The following ASAP2 variants were observed in gnomAD, a reference collection of about 807,000 sequenced individuals.
ASAP2 encodes the protein arf-GAP with SH3 domain, ANK repeat and PH domain-containing protein 2.
In ASAP2, 45 loss-of-function variants were observed where a neutral mutation model predicts 131.4. That is an observed-to-expected ratio of 0.34 (90% confidence interval 0.27 to 0.44). The LOEUF is 0.44. Among genes scored for constraint, ASAP2 ranks in the 20% least tolerant of loss-of-function variants. The pLI is 1.00. For synonymous variants in ASAP2, 510 were observed against 503.0 expected, an observed-to-expected ratio of 1.01 and a Z score of -0.19; for missense variants, 1,011 against 1,297.0, an observed-to-expected ratio of 0.78 and a Z score of 3.39.
At chr2:9,331,779 C>A (rs1368467869) in intron 7 of ASAP2, among the ~76,000 whole-genome samples, 2 of 151,804 alleles carry the variant, frequency 1.3e-5, no homozygotes, top group African/African-American at 2.4e-5. Flanking sequence ...AAAAAAAATA[C>A]AACCATGGTT....
At chr2:9,254,527 AT>A (rs546862626) in intron 1 of ASAP2, among the ~76,000 whole-genome samples, 403 of 28,006 alleles carry the variant, frequency 0.014, 81 homozygotes, top group African/African-American at 0.028. Flanking sequence ...TAATTTTTGG[AT>A]TTTTTTTTTT....
At chr2:9,228,685 T>C (rs375311012) in intron 1 of ASAP2, among the ~76,000 whole-genome samples, 16 of 152,306 alleles carry the variant, frequency 1.1e-4, no homozygotes, top group African/African-American at 3.9e-4. Flanking sequence ...CTCTGGATCA[T>C]TGAATTTCTC....
intron 15 of ASAP2, among the ~76,000 whole-genome samples, chr2:9,362,599 G>T (rs989787250): frequency 5.9e-5 from 9 of 152,110 alleles, no homozygotes; most frequent in Non-Finnish European, 1.2e-4. Context: ...AGTACTTTGG[G>T]AGGCTGAGGT....
Position 9,404,118 on chromosome 2 carries a change from C to T in ASAP2, c.*791C>T, listed in dbSNP as rs1052354588. On this transcript the variant is annotated 3_prime_UTR_variant, in exon 28 of 28. Coordinates refer to ENST00000281419, the MANE Select transcript of ASAP2 (RefSeq NM_003887.3). ...CTTTAGGTGTTTTGGAATTTGCCTT[C>T]TTGAACTTCCTGAGTCACACAGAAA... 6.6e-6 allele frequency: 1 copy of T among 152,208 alleles called. No homozygotes were observed. Among genetic ancestry groups the T allele is most frequent in the Non-Finnish European group, 1.5e-5 (1 of 68,048 alleles). 9.4% of individuals were successfully genotyped at this position (152,208 alleles called of 1,614,324 possible). A position where few individuals can be genotyped will look rare whatever the true frequency, so the allele number is the denominator to read the frequency against.
intron 3 of ASAP2, among the ~76,000 whole-genome samples, chr2:9,308,525 C>G (rs1466678597): frequency 6.6e-6 from 1 of 152,098 alleles, no homozygotes. Flanking sequence ...CTTGTATGTA[C>G]CTGACGGGCT....
At chr2:9,343,393 T>C (rs1466168033) in intron 9 of ASAP2, among the ~76,000 whole-genome samples, 1 of 67,500 alleles carries the variant, frequency 1.5e-5, no homozygotes, top group African/African-American at 1.1e-4. Context: ...TTTCCTGCAC[T>C]GGCACTGGTG....
At chr2:9,269,984 A>G (rs1359357545) in intron 1 of ASAP2, among the ~76,000 whole-genome samples, 1 of 152,184 alleles carries the variant, frequency 6.6e-6, no homozygotes, top group African/African-American at 2.4e-5. Flanking sequence ...CTTGAGAGGA[A>G]CCTATAGAAG....
intron 24 of ASAP2, among the ~76,000 whole-genome samples, chr2:9,395,266 A>G (rs1243019819): frequency 6.6e-6 from 1 of 152,148 alleles, no homozygotes; most frequent in Non-Finnish European, 1.5e-5. Context: ...TGAGGTCCAG[A>G]GTTTGAGACC....
chr2:9,387,152 T>A (rs1675337337), intron 21 of ASAP2, among the ~76,000 whole-genome samples: 1 of 144,004 alleles, frequency 6.9e-6, no homozygotes, highest in Non-Finnish European at 1.5e-5. Flanking sequence ...AGGCGGAGCT[T>A]GCAGTGAGCT....
intron 3 of ASAP2, among the ~76,000 whole-genome samples, chr2:9,303,551 C>CA (rs1477352887): frequency 6.6e-6 from 1 of 152,182 alleles, no homozygotes; most frequent in African/African-American, 2.4e-5. Flanking sequence ...GACTTGCTGA[C>CA]AGTCGCTTTG....
At chr2:9,378,458 C>T (rs767482973) in intron 18 of ASAP2, among the ~76,000 whole-genome samples, 5 of 152,246 alleles carry the variant, frequency 3.3e-5, no homozygotes, top group Non-Finnish European at 7.3e-5. Context: ...GTGACTTTTC[C>T]CTTTCCTGGA....
At chr2:9,263,739 A>G (rs967056490) in intron 1 of ASAP2, among the ~76,000 whole-genome samples, 1 of 152,188 alleles carries the variant, frequency 6.6e-6, no homozygotes, top group Non-Finnish European at 1.5e-5. Flanking sequence ...GTTTAGAGCT[A>G]CATGGGTTCT....
At chr2:9,271,755 G>A (rs1018082949) in intron 1 of ASAP2, 16 of 403,840 alleles carry the variant, frequency 4.0e-5, no homozygotes, top group Middle Eastern at 5.9e-4. Context: ...CTCAGTGACT[G>A]GGGTGGTTTT....
At chr2:9,289,874 G>A (rs550096019) in intron 2 of ASAP2, among the ~76,000 whole-genome samples, 3 of 152,332 alleles carry the variant, frequency 2.0e-5, no homozygotes, top group Non-Finnish European at 4.4e-5. Flanking sequence ...AAGACTGGCT[G>A]TTTCTTGAGG....
intron 1 of ASAP2, among the ~76,000 whole-genome samples, chr2:9,274,296 TAA>T: frequency 6.7e-6 from 1 of 148,528 alleles, no homozygotes; most frequent in East Asian, 2.0e-4. Context: ...ATAGTTGGCA[TAA>T]GACTGTTTCT....
chr2:9,254,310 ATTG>A, intron 1 of ASAP2, among the ~76,000 whole-genome samples: 1 of 126,862 alleles, frequency 7.9e-6, no homozygotes, highest in South Asian at 2.6e-4. Flanking sequence ...TCTATTAGTC[ATTG>A]TTGTTAATCC....
intron 20 of ASAP2, among the ~76,000 whole-genome samples, chr2:9,383,358 G>A (rs552792195): frequency 7.2e-5 from 11 of 151,984 alleles, no homozygotes; most frequent in South Asian, 2.1e-4. Context: ...GAGCTCAAGC[G>A]ATCCTCTCAC....
chr2:9,296,499 G>A (rs528244481), intron 2 of ASAP2, among the ~76,000 whole-genome samples: 86 of 152,232 alleles, frequency 5.6e-4, no homozygotes, highest in Non-Finnish European at 1.1e-3. Flanking sequence ...GAGGCCTAAT[G>A]ATAGTAAAAT....
intron 1 of ASAP2, among the ~76,000 whole-genome samples, chr2:9,261,197 G>T (rs539639527): frequency 6.6e-6 from 1 of 152,162 alleles, no homozygotes; most frequent in Non-Finnish European, 1.5e-5. Context: ...GGGTAATGCC[G>T]GGTGGTTATT....
Sources: gnomAD v4.1 joint callset for allele counts (sites outside exome capture counted in the v4.1 genomes callset) on GRCh38, gnomAD v4.1.1 for gene constraint, MANE v1.5 for transcripts, NCBI Gene and HGNC (gene_info 2026-07-23, HGNC 2026-07-21) for gene names.